COBL: variants seen among roughly 807,000 people sequenced by gnomAD.
COBL encodes protein cordon-bleu.
A neutral mutation model predicts 98.8 loss-of-function variants in COBL; 51 were observed. That is an observed-to-expected ratio of 0.52 (90% CI 0.41 to 0.65). COBL has a LOEUF of 0.65. COBL is among the 30% of genes least tolerant of loss of function. The pLI, the probability that COBL is intolerant of heterozygous loss-of-function variation, is 0.00. For synonymous variants in COBL, 634 were observed against 651.7 expected, an observed-to-expected ratio of 0.97 and a Z score of 0.41; for missense variants, 1,617 against 1,617.5, an observed-to-expected ratio of 1.00 and a Z score of 0.01.
intron 1 of COBL, among the ~76,000 whole-genome samples, chr7:51,296,914 C>G (rs898054388): frequency 6.6e-6 from 1 of 152,182 alleles, no homozygotes; most frequent in Middle Eastern, 3.2e-3. Flanking sequence ...ACCTTGGGAG[C>G]TGGAACAACA....
At chr7:51,288,875 T>C (rs760516104) in intron 1 of COBL, among the ~76,000 whole-genome samples, 4 of 117,936 alleles carry the variant, frequency 3.4e-5, no homozygotes, top group Non-Finnish European at 5.1e-5. Flanking sequence ...CTCAACTAAT[T>C]GTATGCAACT....
chr7:51,028,628 T>A lies in COBL; in HGVS notation c.2468A>T (p.His823Leu), dbSNP rs770570854. 3.7e-6 allele frequency: 6 copies of A among 1,613,540 alleles called. No homozygotes were observed. In the Admixed American group the frequency reaches 1.0e-4, roughly 27 times the overall value. ...CTCCCCTAGGGGGTTCCGGCCCTCA[T>A]GGTGGGCAGACTTCTGCTGGGGCGA... ...PISPQQKSAH[H>L]EGRNPLGEGR... Residue 823 changes from histidine to leucine, a missense_variant, in exon 10 of 13, where the codon CAT (histidine) becomes CTT (leucine). By Grantham distance (99) the His-to-Leu change is moderately conservative (BLOSUM62 -3). Transcript: ENST00000265136.
Position 51,029,434 on chromosome 7 carries a change from C to T in COBL, c.1662G>A (p.Ser554=), listed in dbSNP as rs149931142. ...TGTTGTTTCTATTGGAAAACAACCC[C>T]GAATCCACAGGATCATCTGAAACTT... The part of the protein sequence containing the change: ...IGEVSDDPVD[S]GLFSNRNNNA... Residue 554 remains serine, a synonymous_variant, in exon 10 of 13, where the codon TCG becomes TCA. Transcript: ENST00000265136. 1.9e-4 allele frequency: 300 copies of T among 1,614,058 alleles called. 2 individuals are homozygous for T. Among genetic ancestry groups the T allele is most frequent in the Admixed American group, 9.2e-4 (55 of 60,002 alleles).
intron 1 of COBL, among the ~76,000 whole-genome samples, chr7:51,270,243 T>C (rs1798632655): frequency 6.6e-6 from 1 of 152,190 alleles, no homozygotes; most frequent in African/African-American, 2.4e-5. Flanking sequence ...GATTTCTTTA[T>C]ACGGCCCAAA....
intron 8 of COBL, 131 bp from the exon 9 acceptor site, chr7:51,031,040 G>A (rs1055631691): frequency 5.9e-6 from 4 of 675,394 alleles, no homozygotes; most frequent in African/African-American, 1.8e-5. Flanking sequence ...CTGTACTGCT[G>A]TTGTCCTCAG....
chr7:51,174,020 C>A (rs1485121642), intron 5 of COBL, among the ~76,000 whole-genome samples: 1 of 152,100 alleles, frequency 6.6e-6, no homozygotes, highest in Non-Finnish European at 1.5e-5. Flanking sequence ...ATTCTCCATT[C>A]TTAGCATCTG....
At chr7:51,201,555 T>C (rs1791129317) in intron 2 of COBL, among the ~76,000 whole-genome samples, 1 of 152,182 alleles carries the variant, frequency 6.6e-6, no homozygotes, top group African/African-American at 2.4e-5. Context: ...GGATAGACCA[T>C]TCTGGTAGAA....
chr7:51,207,597 T>C (rs1320761473), intron 2 of COBL, among the ~76,000 whole-genome samples: 1 of 152,038 alleles, frequency 6.6e-6, no homozygotes, highest in Non-Finnish European at 1.5e-5. Flanking sequence ...ACCTGACTGG[T>C]TTTCGTATTT....
At chr7:51,083,391 C>T (rs538284144) in intron 7 of COBL, among the ~76,000 whole-genome samples, 1 of 152,354 alleles carries the variant, frequency 6.6e-6, no homozygotes, top group South Asian at 2.1e-4. Context: ...AATCCATTCT[C>T]ATCTGGCACC....
At chr7:51,115,184 C>T (rs1255304433) in intron 6 of COBL, among the ~76,000 whole-genome samples, 1 of 152,082 alleles carries the variant, frequency 6.6e-6, no homozygotes, top group Non-Finnish European at 1.5e-5. Flanking sequence ...TTCCCTGGAT[C>T]AATCTAGATA....
At chr7:51,163,581 T>C (rs1584020155) in intron 5 of COBL, among the ~76,000 whole-genome samples, 1 of 152,346 alleles carries the variant, frequency 6.6e-6, no homozygotes, top group Middle Eastern at 3.4e-3. Context: ...CTTTGATTCA[T>C]AGGAAAAGTC....
chr7:51,237,412 G>C (rs574886146), intron 1 of COBL, among the ~76,000 whole-genome samples: 1 of 151,726 alleles, frequency 6.6e-6, no homozygotes, highest in Non-Finnish European at 1.5e-5. Flanking sequence ...CTTTACTAAA[G>C]TTTAAAACAC....
Position 51,316,676 on chromosome 7 carries a change from A to T in COBL, c.-43T>A. ...CGCGGGCGGTGCTCCGGGCCCGCCG[A>T]GTCAGGCGCTGGCTACCGCCGCCAC... On this transcript the variant is annotated 5_prime_UTR_variant, in exon 1 of 13. Coordinates refer to ENST00000265136, the MANE Select transcript of COBL (RefSeq NM_015198.5). 1 of 1,185,242 alleles carries T rather than the reference A, an allele frequency of 8.4e-7. No individual in the cohort carries two copies. The highest frequency in any genetic ancestry group is 1.0e-6 in the Non-Finnish European group (1 of 956,274). The allele number at this position is 1,185,242 out of a possible 1,614,324, so 73.4% of individuals were successfully genotyped here.
At chr7:51,065,067 G>A (rs1352167717) in intron 7 of COBL, 2 of 642,590 alleles carry the variant, frequency 3.1e-6, no homozygotes, top group East Asian at 5.4e-5. Context: ...GGAACATTTA[G>A]AAGTCGGTCC....
chr7:51,240,048 A>G (rs1409397704), intron 1 of COBL, among the ~76,000 whole-genome samples: 1 of 152,222 alleles, frequency 6.6e-6, no homozygotes, highest in Non-Finnish European at 1.5e-5. Context: ...TTTTTTATAT[A>G]TTACAAAATA....
At chr7:51,283,545 C>T (rs1032409994) in intron 1 of COBL, among the ~76,000 whole-genome samples, 2 of 152,118 alleles carry the variant, frequency 1.3e-5, no homozygotes, top group Non-Finnish European at 2.9e-5. Context: ...AGTGCAGGGG[C>T]GCGATCCTGG....
rs150217277 is a variant in COBL, at chr7:51,080,983, T to C, written c.1096+4183A>G. Among the ~76,000 whole-genome samples, 635 of 152,324 alleles carry C rather than the reference T, an allele frequency of 4.2e-3. 5 individuals carry two copies. Among genetic ancestry groups the C allele is most frequent in the South Asian group, 0.021 (99 of 4,816 alleles). ...GCATTCTGCCTGCTTAGGCGGGGAA[T>C]CCTAGTTTGTAAAGCCATAAACAAT... is the stretch of plus-strand genomic sequence containing the variant. On this transcript the variant is annotated intron_variant, in intron 7 of 12. Coordinates refer to ENST00000265136, the MANE Select transcript of COBL (RefSeq NM_015198.5).
At chr7:51,166,937 A>C (rs933816277) in intron 5 of COBL, among the ~76,000 whole-genome samples, 2 of 152,180 alleles carry the variant, frequency 1.3e-5, no homozygotes, top group Non-Finnish European at 2.9e-5. Flanking sequence ...AAAACTGGGG[A>C]TAGAAGTAAC....
intron 12 of COBL, 80 bp downstream of exon 12, chr7:51,025,029 C>A (rs910209936): frequency 1.3e-6 from 2 of 1,589,246 alleles, no homozygotes; most frequent in Non-Finnish European, 1.7e-6. Flanking sequence ...CTCCTGCCCA[C>A]AGGCAAGCGT....
Sources: gnomAD v4.1 joint callset for allele counts (sites outside exome capture counted in the v4.1 genomes callset) on GRCh38, gnomAD v4.1.1 for gene constraint, MANE v1.5 for transcripts, NCBI Gene and HGNC (gene_info 2026-07-23, HGNC 2026-07-21) for gene names.